Variants in LDB2 observed in about 807,000 individuals in gnomAD.
LDB2 encodes LIM domain binding 2.
Under a neutral mutation model 44.3 loss-of-function variants are expected in LDB2, and 12 were observed. The observed-to-expected ratio is 0.27, with a 90% CI of 0.17 to 0.44. The LOEUF (loss-of-function observed/expected upper bound fraction) is 0.44, where lower values mean the gene tolerates loss of function less well. Ranked by LOEUF, LDB2 falls within the 20% of genes least tolerant of loss-of-function variation. The pLI, the probability that LDB2 is intolerant of heterozygous loss-of-function variation, is 1.00. For synonymous variants in LDB2, 164 were observed against 174.8 expected (o/e 0.94, Z 0.49); for missense variants, 344 against 473.5 (o/e 0.73, Z 2.54).
chr4:16,564,839 A>G (rs2152387219), intron 5 of LDB2, among the ~76,000 whole-genome samples: 1 of 152,352 alleles, frequency 6.6e-6, no homozygotes, highest in South Asian at 2.1e-4. Flanking sequence ...AAAGTGAAAT[A>G]ACTTCAGTGC....
At chr4:16,788,983 G>T (rs1033423113) in intron 1 of LDB2, among the ~76,000 whole-genome samples, 29 of 151,522 alleles carry the variant, frequency 1.9e-4, no homozygotes, top group Middle Eastern at 3.4e-3. Context: ...ATGCTATGGG[G>T]TTTTTTTTTC....
intron 2 of LDB2, among the ~76,000 whole-genome samples, chr4:16,719,834 T>C (rs1274771649): frequency 2.0e-5 from 3 of 152,094 alleles, no homozygotes; most frequent in African/African-American, 7.2e-5. Flanking sequence ...ATTCAATCTC[T>C]CCTTCACTTC....
At chr4:16,755,690 C>T (rs561495036) in intron 2 of LDB2, among the ~76,000 whole-genome samples, 1 of 152,266 alleles carries the variant, frequency 6.6e-6, no homozygotes, top group East Asian at 1.9e-4. Context: ...GTTCTTTATT[C>T]TACTGACCTG....
At chr4:16,800,913 G>C (rs549923625) in intron 1 of LDB2, among the ~76,000 whole-genome samples, 119 of 152,296 alleles carry the variant, frequency 7.8e-4, no homozygotes, top group Admixed American at 1.8e-3. Flanking sequence ...CTCACCTCAT[G>C]ATCCACCCGC....
intron 5 of LDB2, among the ~76,000 whole-genome samples, chr4:16,574,474 A>C (rs971379778): frequency 6.6e-6 from 1 of 152,162 alleles, no homozygotes; most frequent in African/African-American, 2.4e-5. Context: ...TCAGAATCTC[A>C]GCATAGAATT....
chr4:16,809,182 T>C (rs552522335), intron 1 of LDB2, among the ~76,000 whole-genome samples: 4 of 152,308 alleles, frequency 2.6e-5, no homozygotes, highest in African/African-American at 9.6e-5. Flanking sequence ...AATCACTCAC[T>C]GTCCAGAAAC....
At chr4:16,848,892 T>C (rs1448750448) in intron 1 of LDB2, among the ~76,000 whole-genome samples, 1 of 152,152 alleles carries the variant, frequency 6.6e-6, no homozygotes, top group Non-Finnish European at 1.5e-5. Context: ...TCATCCACAC[T>C]CTTTCCAGTA....
In LDB2 at chr4:16,542,106, G is replaced by GC. The variant is rs201942796; in HGVS notation, c.616-30003_616-30002insG. 8.8e-5 allele frequency among the ~76,000 whole-genome samples: 13 copies of GC among 147,578 alleles called. 1 individual carries two copies. Among genetic ancestry groups the GC allele is most frequent in the Admixed American group, 4.0e-4 (6 of 14,916 alleles). On this transcript the variant is annotated intron_variant, in intron 5 of 7. Coordinates refer to ENST00000304523, the MANE Select transcript of LDB2 (RefSeq NM_001290.5). ...CTTCCAATTACATCAGGTGGTGGGG[G>GC]GGGGGGCGCGAGCAGGAGGGCATAA... is the stretch of plus-strand genomic sequence containing the variant.
chr4:16,843,101 A>G (rs932575614), intron 1 of LDB2, among the ~76,000 whole-genome samples: 5 of 152,170 alleles, frequency 3.3e-5, no homozygotes, highest in Non-Finnish European at 5.9e-5. Context: ...AGTATATACA[A>G]ATCTGTACTC....
At chr4:16,631,814 G>T (rs574073886) in intron 2 of LDB2, among the ~76,000 whole-genome samples, 1 of 152,084 alleles carries the variant, frequency 6.6e-6, no homozygotes, top group Non-Finnish European at 1.5e-5. Context: ...ACACCTCTAC[G>T]CAAATGAACC....
intron 5 of LDB2, among the ~76,000 whole-genome samples, chr4:16,531,534 G>A (rs1221029717): frequency 6.6e-6 from 1 of 152,204 alleles, no homozygotes; most frequent in Non-Finnish European, 1.5e-5. Flanking sequence ...TATTTGTGCA[G>A]CCATAGGACC....
chr4:16,618,239 T>C (rs890482071), intron 2 of LDB2, among the ~76,000 whole-genome samples: 1 of 152,192 alleles, frequency 6.6e-6, no homozygotes, highest in African/African-American at 2.4e-5. Context: ...TGGACCGGGA[T>C]AAGCCTAGCG....
chr4:16,581,964 AAAG>A (rs1218190623), intron 5 of LDB2, among the ~76,000 whole-genome samples: 44 of 142,294 alleles, frequency 3.1e-4, no homozygotes, highest in African/African-American at 1.1e-3. Flanking sequence ...GAAATAAAAG[AAAG>A]AAGGAAGGAA....
chr4:16,797,803 G>A (rs969392994), intron 1 of LDB2, among the ~76,000 whole-genome samples: 2 of 151,868 alleles, frequency 1.3e-5, no homozygotes, highest in African/African-American at 4.8e-5. Context: ...TTAGGAGGCC[G>A]AGGTGAGCGG....
intron 2 of LDB2, among the ~76,000 whole-genome samples, chr4:16,718,389 T>C (rs1467933495): frequency 6.6e-6 from 1 of 152,050 alleles, no homozygotes; most frequent in African/African-American, 2.4e-5. Context: ...AAGAGAAAAA[T>C]GAAAACAATT....
At chr4:16,519,097 T>C (rs1168614291) in intron 5 of LDB2, among the ~76,000 whole-genome samples, 1 of 152,212 alleles carries the variant, frequency 6.6e-6, no homozygotes, top group East Asian at 1.9e-4. Context: ...CTCGTTCACC[T>C]CTTATCTACG....
Position 16,854,638 on chromosome 4 carries a change from G to T in LDB2, c.132+43716C>A, listed in dbSNP as rs559467920. On this transcript the variant is annotated intron_variant, in intron 1 of 7. Transcript: ENST00000304523. ...TCCCTAGGGGAGGAACTATGGAGAA[G>T]AATTTATAAGTAATATACTTTACGT... Among the ~76,000 whole-genome samples, 4 of 150,290 alleles carry T rather than the reference G, an allele frequency of 2.7e-5. No homozygotes were observed. In the East Asian group the frequency reaches 7.8e-4, roughly 29 times the overall value.
At chr4:16,706,716 A>G (rs1167223826) in intron 2 of LDB2, among the ~76,000 whole-genome samples, 1 of 152,218 alleles carries the variant, frequency 6.6e-6, no homozygotes, top group African/African-American at 2.4e-5. Flanking sequence ...ACTCAAACGT[A>G]GAAGAAATCT....
At position 16,590,316 on chromosome 4, in the gene LDB2, G is replaced by GA. The variant is rs1331305583; in HGVS notation, c.409-1485dup. ...CAAACATACAACACTCCAGACACTTGAAAAAACACACTCAAAAACAAATAA... is the reference window on the plus strand; with the variant it reads ...CAAACATACAACACTCCAGACACTTGAAAAAAACACACTCAAAAACAAATAA... On this transcript the variant is annotated intron_variant, in intron 3 of 7. Coordinates refer to ENST00000304523, the MANE Select transcript of LDB2 (RefSeq NM_001290.5). Among the ~76,000 whole-genome samples the GA allele has an allele frequency of 8.5e-5, 13 of 152,096 alleles. 1 individual carries two copies. Among genetic ancestry groups the GA allele is most frequent in the Non-Finnish European group, 1.9e-4 (13 of 68,026 alleles).
Sources: allele counts gnomAD v4.1 joint callset (sites outside exome capture counted in the v4.1 genomes callset), GRCh38; gene constraint gnomAD v4.1.1; transcripts MANE v1.5; gene names NCBI Gene and HGNC (gene_info 2026-07-23, HGNC 2026-07-21).